Variants in EDA observed in about 807,000 individuals in gnomAD.
EDA encodes the protein ectodysplasin-A.
In EDA, 2 loss-of-function variants were observed where a neutral mutation model predicts 23.6. That is an observed-to-expected ratio of 0.08 (90% confidence interval 0.03 to 0.27). EDA has a LOEUF of 0.27. Ranked by LOEUF, EDA falls within the 10% of genes least tolerant of loss-of-function variation. The probability of loss-of-function intolerance (pLI) is 1.00; values close to 1 mark genes in which losing one functional copy is unlikely to be tolerated. For synonymous variants in EDA, 131 were observed against 132.0 expected, an observed-to-expected ratio of 0.99 and a Z score of 0.05; for missense variants, 229 against 324.2, an observed-to-expected ratio of 0.71 and a Z score of 2.26.
intron 1 of EDA, among the ~76,000 whole-genome samples, chrX:69,651,732 G>T (rs1933112017): frequency 9.0e-6 from 1 of 111,437 alleles, no homozygotes; most frequent in Admixed American, 9.6e-5. Flanking sequence ...CTATAGAGTA[G>T]AGATTGCTGA....
rs750884970 is a variant in EDA, at chrX:69,624,849, C to T, written c.396+8145C>T. ...TGACTCTACTATATCAGCCAATGAC[C>T]TTAGGAGAAAAACAGCCTCTCTCAG... On this transcript the variant is annotated intron_variant, in intron 1 of 7. Coordinates refer to ENST00000374552, the MANE Select transcript of EDA (RefSeq NM_001399.5). 1.9e-3 allele frequency among the ~76,000 whole-genome samples: 208 copies of T among 108,488 alleles called. 3 individuals are homozygous for T. Among genetic ancestry groups the T allele is most frequent in the Middle Eastern group, 4.7e-3 (1 of 212 alleles). The allele number at this position is 108,488 out of a possible 115,157, so 94.2% of individuals were successfully genotyped here.
intron 1 of EDA, among the ~76,000 whole-genome samples, chrX:69,889,043 C>T (rs1463085320): frequency 1.4e-5 from 1 of 70,724 alleles, no homozygotes; most frequent in Non-Finnish European, 2.6e-5. Flanking sequence ...ACAGCAGCTG[C>T]ACCATTTTTA....
chrX:69,993,553 G>A (rs1461784784), intron 2 of EDA, among the ~76,000 whole-genome samples: 4 of 112,213 alleles, frequency 3.6e-5, no homozygotes, highest in African/African-American at 1.3e-4. Context: ...CAGCAGGTTG[G>A]ACAGAGCTTA....
rs1285676572 is a variant in EDA at position 69,935,840 on chromosome X, CA to C, written c.397-21179del. ...GTAAAATAGATTGCAAAGATATACA[CA>C]AAAAAAACAAGCATTACACTCCTCA... On this transcript the variant is annotated intron_variant, in intron 1 of 7. Coordinates refer to ENST00000374552, the MANE Select transcript of EDA (RefSeq NM_001399.5). Among the ~76,000 whole-genome samples, 26 of 108,394 alleles carry C rather than the reference CA, an allele frequency of 2.4e-4. No individual in the cohort carries two copies. The Admixed American group carries it at 2.5e-3, about 10-fold the overall frequency. The allele number at this position is 108,394 out of a possible 115,157, so 94.1% of individuals were successfully genotyped here. A position where few individuals can be genotyped will look rare whatever the true frequency, so the allele number is the denominator to read the frequency against.
At chrX:69,849,031 C>T (rs989960591) in intron 1 of EDA, among the ~76,000 whole-genome samples, 4 of 95,772 alleles carry the variant, frequency 4.2e-5, no homozygotes, top group African/African-American at 1.5e-4. Flanking sequence ...ATTCATATCC[C>T]GTTTAACATG....
At chrX:69,892,803 C>T (rs946834515) in intron 1 of EDA, among the ~76,000 whole-genome samples, 5 of 111,489 alleles carry the variant, frequency 4.5e-5, no homozygotes, top group African/African-American at 1.3e-4. Context: ...TTCAGGTCAT[C>T]ACTCACTCTT....
intron 1 of EDA, among the ~76,000 whole-genome samples, chrX:69,851,344 G>C (rs1228838159): frequency 9.0e-6 from 1 of 111,715 alleles, no homozygotes; most frequent in African/African-American, 3.3e-5. Flanking sequence ...ATTCTCTTTT[G>C]TGCTTATGCA....
At chrX:69,995,312 A>C (rs952674384) in intron 2 of EDA, among the ~76,000 whole-genome samples, 1 of 112,146 alleles carries the variant, frequency 8.9e-6, no homozygotes, top group Non-Finnish European at 1.9e-5. Flanking sequence ...CAATCCCTTG[A>C]GAGAAGACAA....
chrX:69,961,698 G>A (rs779913789), intron 2 of EDA, among the ~76,000 whole-genome samples: 51 of 112,408 alleles, frequency 4.5e-4, no homozygotes, highest in African/African-American at 1.6e-3. Flanking sequence ...AGTGAATTTC[G>A]TTTTCTTTAC....
intron 1 of EDA, among the ~76,000 whole-genome samples, chrX:69,720,333 T>C (rs1350369491): frequency 8.9e-6 from 1 of 112,111 alleles, no homozygotes; most frequent in Non-Finnish European, 1.9e-5. Context: ...ATTTTAATTA[T>C]GGTGTGTCTT....
intron 1 of EDA, among the ~76,000 whole-genome samples, chrX:69,829,651 T>A (rs1177621322): frequency 8.9e-6 from 1 of 111,855 alleles, no homozygotes; most frequent in African/African-American, 3.2e-5. Flanking sequence ...AGAAATGGAA[T>A]CACCTGAGAC....
At chrX:69,977,745 T>A (rs2019337452) in intron 2 of EDA, among the ~76,000 whole-genome samples, 1 of 111,869 alleles carries the variant, frequency 8.9e-6, no homozygotes, top group Non-Finnish European at 1.9e-5. Context: ...TACTGTGTGA[T>A]CTTATTTATT....
chrX:69,874,439 A>G (rs774809961), intron 1 of EDA, among the ~76,000 whole-genome samples: 1 of 112,616 alleles, frequency 8.9e-6, no homozygotes, highest in East Asian at 2.8e-4. Context: ...GACAAAATCC[A>G]TCATCCCTTT....
intron 1 of EDA, among the ~76,000 whole-genome samples, chrX:69,682,312 A>T (rs977847565): frequency 3.8e-4 from 43 of 112,523 alleles, no homozygotes; most frequent in Middle Eastern, 4.6e-3. Flanking sequence ...GAGCCTACAG[A>T]GGCAGGCAGG....
intron 4 of EDA, 21 bp from the exon 5 acceptor site, chrX:70,029,479 CTGAT>C: frequency 8.3e-7 from 1 of 1,211,083 alleles, no homozygotes; most frequent in Non-Finnish European, 1.1e-6. Context: ...ATTATGCCCT[CTGAT>C]TGTCCTATCC....
At chrX:69,711,320 G>A (rs1321170013) in intron 1 of EDA, among the ~76,000 whole-genome samples, 2 of 111,549 alleles carry the variant, frequency 1.8e-5, no homozygotes, top group Admixed American at 1.9e-4. Flanking sequence ...TGTTGAACCA[G>A]CCTTGCATCC....
rs1174382819 is a variant in EDA, at chrX:69,711,521, G to T, written c.396+94817G>T. 2.7e-5 allele frequency among the ~76,000 whole-genome samples: 3 copies of T among 111,772 alleles called. No individual in the cohort carries two copies. The Admixed American group carries it at 2.9e-4, about 11-fold the overall frequency. ...TGCTGACCTCATAAAATGAGTTAGG[G>T]AGGATTCCCTCTTTTTCTATTGATT... is the stretch of plus-strand genomic sequence containing the variant. On this transcript the variant is annotated intron_variant, in intron 1 of 7. Transcript: ENST00000374552.
rs1330677836 is a variant in EDA, at chrX:69,822,549, T to G, written c.397-134478T>G. Reference sequence around the variant, plus strand: ...ACGAGGGTGAGTGCCAAAAAGCCACTTTCAGATCAATGTAAGAAGAAACTT... The same window carrying G: ...ACGAGGGTGAGTGCCAAAAAGCCACGTTCAGATCAATGTAAGAAGAAACTT... On this transcript the variant is annotated intron_variant, in intron 1 of 7. Coordinates refer to ENST00000374552, the MANE Select transcript of EDA (RefSeq NM_001399.5). Among the ~76,000 whole-genome samples the G allele has an allele frequency of 2.7e-5, 3 of 111,433 alleles. No individual in the cohort carries two copies. In the East Asian group the frequency reaches 8.5e-4, roughly 32 times the overall value.
At chrX:69,700,350 G>A (rs2011501156) in intron 1 of EDA, among the ~76,000 whole-genome samples, 1 of 111,784 alleles carries the variant, frequency 8.9e-6, no homozygotes, top group African/African-American at 3.3e-5. Flanking sequence ...AAGAGGTCTT[G>A]AGAATCAGGG....
Sources: allele counts gnomAD v4.1 joint callset (sites outside exome capture counted in the v4.1 genomes callset), GRCh38; gene constraint gnomAD v4.1.1; transcripts MANE v1.5; gene names NCBI Gene and HGNC (gene_info 2026-07-23, HGNC 2026-07-21).